Variants in SLC25A26 observed in about 807,000 individuals in gnomAD.
The protein encoded by SLC25A26 is mitochondrial S-adenosylmethionine carrier protein.
Under a neutral mutation model 37.8 loss-of-function variants are expected in SLC25A26, and 36 were observed. That is an observed-to-expected ratio of 0.95 (90% CI 0.73 to 1.26). SLC25A26 has a LOEUF of 1.26. Ranked by LOEUF, SLC25A26 falls within the 50% of genes most tolerant of loss-of-function variation. The pLI, the probability that SLC25A26 is intolerant of heterozygous loss-of-function variation, is 0.00. For missense variants in SLC25A26, 390 were observed against 331.1 expected (o/e 1.18, Z -1.38); for synonymous variants, 129 against 122.5 (o/e 1.05, Z -0.35).
chr3:66,365,772 G>A (rs986611300), intron 7 of SLC25A26, among the ~76,000 whole-genome samples: 1 of 152,178 alleles, frequency 6.6e-6, no homozygotes, highest in African/African-American at 2.4e-5. Flanking sequence ...TGTTGATGGG[G>A]AAGTCTTCCA....
intron 9 of SLC25A26, among the ~76,000 whole-genome samples, chr3:66,374,528 A>G (rs532009079): frequency 1.3e-5 from 2 of 152,304 alleles, no homozygotes; most frequent in South Asian, 4.1e-4. Flanking sequence ...AGGCCAATTA[A>G]TAATCCTCCA....
At position 66,175,140 on chromosome 3, in the gene SLC25A26, T is replaced by TATATATATATACAC. The variant is rs1413714739; in HGVS notation, c.-354+41157_-354+41158insTATATATATACACA. Among the ~76,000 whole-genome samples the TATATATATATACAC allele has an allele frequency of 2.4e-3, 158 of 66,852 alleles. 1 individual carries two copies. The highest frequency in any genetic ancestry group is 9.8e-3 in the African/African-American group (152 of 15,524). The allele number at this position is 66,852 out of a possible 152,430, so 43.9% of individuals were successfully genotyped here. ...ATATATATATATATATATATATATA[T>TATATATATATACAC]ACACACACACACACACACACATTAT... On this transcript the variant is annotated intron_variant, in intron 1 of 10. Transcript: ENST00000676754.
upstream of SLC25A26, among the ~76,000 whole-genome samples, chr3:66,217,947 CAA>C (rs2071386230): frequency 6.6e-6 from 1 of 152,170 alleles, no homozygotes; most frequent in Admixed American, 6.5e-5. Context: ...ACAATAATAA[CAA>C]GAGAATATCT....
chr3:66,275,301 A>G (rs556144766), intron 5 of SLC25A26, among the ~76,000 whole-genome samples: 1 of 151,680 alleles, frequency 6.6e-6, no homozygotes, highest in Non-Finnish European at 1.5e-5. Context: ...TCTAATGCTA[A>G]ATGATGAGTT....
chr3:66,275,505 C>T (rs549046585), intron 5 of SLC25A26, among the ~76,000 whole-genome samples: 1 of 152,182 alleles, frequency 6.6e-6, no homozygotes, highest in East Asian at 1.9e-4. Flanking sequence ...AATCTAACAC[C>T]TAGAAGAGTG....
chr3:66,330,063 T>C (rs2075935230), intron 5 of SLC25A26, among the ~76,000 whole-genome samples: 1 of 152,172 alleles, frequency 6.6e-6, no homozygotes, highest in African/African-American at 2.4e-5. Context: ...TCCTTACCTT[T>C]ATGCTTTCTG....
At chr3:66,317,798 C>T (rs1240498957) in intron 5 of SLC25A26, among the ~76,000 whole-genome samples, 3 of 152,188 alleles carry the variant, frequency 2.0e-5, no homozygotes, top group Admixed American at 6.5e-5. Flanking sequence ...GTCCATAAAC[C>T]CCTGGCTGGG....
At chr3:66,195,448 G>A (rs879056598) in intron 1 of SLC25A26, among the ~76,000 whole-genome samples, 1 of 152,152 alleles carries the variant, frequency 6.6e-6, no homozygotes, top group South Asian at 2.1e-4. Flanking sequence ...AGGGATTAAC[G>A]GGGAGATCTG....
At chr3:66,167,801 C>T (rs2070444519) in intron 1 of SLC25A26, among the ~76,000 whole-genome samples, 1 of 152,070 alleles carries the variant, frequency 6.6e-6, no homozygotes, top group Non-Finnish European at 1.5e-5. Flanking sequence ...GTAAATTTCT[C>T]AATAAACTAG....
chr3:66,215,507 G>A (rs1405070032), intron 1 of SLC25A26, among the ~76,000 whole-genome samples: 8 of 152,072 alleles, frequency 5.3e-5, no homozygotes, highest in Admixed American at 3.3e-4. Context: ...TTATATCAAT[G>A]AAAAAATATG....
At chr3:66,137,067 A>T (rs112291938) in intron 1 of SLC25A26, among the ~76,000 whole-genome samples, 10 of 152,296 alleles carry the variant, frequency 6.6e-5, no homozygotes, top group African/African-American at 2.4e-4. Flanking sequence ...ATCAGTTGAG[A>T]TAAAGGAAAT....
At chr3:66,328,858 G>T (rs2075902428) in intron 5 of SLC25A26, among the ~76,000 whole-genome samples, 1 of 151,938 alleles carries the variant, frequency 6.6e-6, no homozygotes, top group Non-Finnish European at 1.5e-5. Flanking sequence ...TTCTTTATTG[G>T]ATTAGGAGAA....
intron 5 of SLC25A26, among the ~76,000 whole-genome samples, chr3:66,293,566 G>A (rs2074789877): frequency 6.6e-6 from 1 of 151,480 alleles, no homozygotes; most frequent in Admixed American, 6.6e-5. Flanking sequence ...ATAGGCTGCA[G>A]TGTCTCTTAT....
chr3:66,354,700 A>G (rs2076536252), intron 6 of SLC25A26, among the ~76,000 whole-genome samples: 1 of 152,176 alleles, frequency 6.6e-6, no homozygotes, highest in South Asian at 2.1e-4. Flanking sequence ...ATACCATTTC[A>G]TGAGACTGGG....
At chr3:66,312,534 A>T (rs1404694943) in intron 5 of SLC25A26, among the ~76,000 whole-genome samples, 1 of 78,742 alleles carries the variant, frequency 1.3e-5, no homozygotes, top group Non-Finnish European at 2.8e-5. Flanking sequence ...GGGTACGAAG[A>T]AAAAAAAGAA....
chr3:66,179,191 G>A (rs987024692), intron 1 of SLC25A26, among the ~76,000 whole-genome samples: 11 of 152,258 alleles, frequency 7.2e-5, no homozygotes, highest in African/African-American at 2.4e-4. Context: ...AGCTTTAAAT[G>A]TTTTTAAATG....
At chr3:66,368,206 C>T (rs1434151255) in intron 7 of SLC25A26, among the ~76,000 whole-genome samples, 2 of 152,188 alleles carry the variant, frequency 1.3e-5, no homozygotes, top group Non-Finnish European at 2.9e-5. Context: ...CCTTCACACA[C>T]GGGTGTCCTG....
intron 1 of SLC25A26, among the ~76,000 whole-genome samples, chr3:66,188,277 T>C (rs1480926039): frequency 6.6e-6 from 1 of 152,180 alleles, no homozygotes; most frequent in African/African-American, 2.4e-5. Flanking sequence ...CCCTTATATT[T>C]ATCAAGTTTC....
chr3:66,276,965 A>AAG, intron 5 of SLC25A26, among the ~76,000 whole-genome samples: 1 of 152,042 alleles, frequency 6.6e-6, no homozygotes, highest in East Asian at 1.9e-4. Context: ...TTGAAAAAAA[A>AAG]AAAAAAAGGT....
Sources: gnomAD v4.1 joint callset for allele counts (sites outside exome capture counted in the v4.1 genomes callset) on GRCh38, gnomAD v4.1.1 for gene constraint, MANE v1.5 for transcripts, NCBI Gene and HGNC (gene_info 2026-07-23, HGNC 2026-07-21) for gene names.